Variants in FAR2 observed in about 807,000 individuals in gnomAD.
FAR2 encodes epididymis secretory protein Li 81.
Under a neutral mutation model 56.0 loss-of-function variants are expected in FAR2, and 19 were observed. The observed-to-expected ratio is 0.34, with a 90% CI of 0.24 to 0.50. The LOEUF is 0.50. Ranked by LOEUF, FAR2 falls within the 20% of genes least tolerant of loss-of-function variation. The probability of loss-of-function intolerance (pLI) is 0.98; values close to 1 mark genes in which losing one functional copy is unlikely to be tolerated. For synonymous variants in FAR2, 219 were observed against 218.8 expected, an observed-to-expected ratio of 1.00 and a Z score of -0.01; for missense variants, 508 against 642.2, an observed-to-expected ratio of 0.79 and a Z score of 2.26.
intron 10 of FAR2, among the ~76,000 whole-genome samples, chr12:29,331,235 G>T (rs1949728105): frequency 1.3e-5 from 2 of 150,448 alleles, no homozygotes; most frequent in South Asian, 4.2e-4. Context: ...AATGTCCAGG[G>T]ATGAATAGAC....
intron 3 of FAR2, among the ~76,000 whole-genome samples, 178 bp from the exon 4 acceptor site, chr12:29,296,843 A>C (rs1052921424): frequency 6.6e-6 from 1 of 152,250 alleles, no homozygotes; most frequent in African/African-American, 2.4e-5. Flanking sequence ...CATCATCACT[A>C]CATAAAACAT....
chr12:29,163,638 A>G (rs1300854129), intron 1 of FAR2, among the ~76,000 whole-genome samples: 2 of 152,262 alleles, frequency 1.3e-5, no homozygotes, highest in Non-Finnish European at 2.9e-5. Context: ...GTAGAGAAAT[A>G]AAGAAATCAA....
intron 1 of FAR2, among the ~76,000 whole-genome samples, chr12:29,270,000 G>C (rs1311486145): frequency 6.6e-6 from 1 of 152,166 alleles, no homozygotes; most frequent in East Asian, 1.9e-4. Flanking sequence ...CATGACCCCA[G>C]CCCTTCTCTG....
intron 2 of FAR2, among the ~76,000 whole-genome samples, chr12:29,278,101 T>G (rs1948731027): frequency 6.6e-6 from 1 of 151,802 alleles, no homozygotes; most frequent in Non-Finnish European, 1.5e-5. Flanking sequence ...CTGGCTAATT[T>G]TCAAATTTTT....
At chr12:29,274,744 G>T (rs4277150) in intron 2 of FAR2, among the ~76,000 whole-genome samples, 1 of 150,280 alleles carries the variant, frequency 6.7e-6, no homozygotes, top group Admixed American at 6.6e-5. Context: ...CAAAATCTCC[G>T]CCACTGAGTA....
chr12:29,278,190 C>CAA, intron 2 of FAR2, among the ~76,000 whole-genome samples: 1 of 152,046 alleles, frequency 6.6e-6, no homozygotes, highest in East Asian at 1.9e-4. Context: ...CTCAGTCTCC[C>CAA]AAAGTGCTAG....
chr12:29,324,399 G>A (rs1315170514), intron 10 of FAR2, among the ~76,000 whole-genome samples: 1 of 152,104 alleles, frequency 6.6e-6, no homozygotes, highest in East Asian at 1.9e-4. Flanking sequence ...TACAGAGAAT[G>A]CCACAAAGAT....
intron 1 of FAR2, among the ~76,000 whole-genome samples, chr12:29,247,317 C>T (rs1948144247): frequency 6.6e-6 from 1 of 152,180 alleles, no homozygotes; most frequent in Non-Finnish European, 1.5e-5. Flanking sequence ...CTGACAGATA[C>T]AGTTAATAAA....
chr12:29,194,966 A>G (rs1023872595), intron 1 of FAR2, among the ~76,000 whole-genome samples: 5 of 152,182 alleles, frequency 3.3e-5, no homozygotes, highest in African/African-American at 9.6e-5. Flanking sequence ...GAAATGGTCC[A>G]TACTATGAAT....
rs1007247409 is a variant in FAR2 at position 29,176,030 on chromosome 12, A to C, written c.-39+26623A>C. Reference sequence around the variant, plus strand: ...GTGACCTCAGTTTATGAAATTTAAAAGGTTGGAAATTTTAAATTTGCACTT... The same window carrying C: ...GTGACCTCAGTTTATGAAATTTAAACGGTTGGAAATTTTAAATTTGCACTT... On this transcript the variant is annotated intron_variant, in intron 1 of 11. Transcript: ENST00000536681. Among the ~76,000 whole-genome samples the C allele has an allele frequency of 2.0e-5, 3 of 152,228 alleles. No individual in the cohort carries two copies. The East Asian group carries it at 5.8e-4, about 29-fold the overall frequency.
At chr12:29,234,805 C>T (rs1947912817) in intron 1 of FAR2, among the ~76,000 whole-genome samples, 1 of 152,172 alleles carries the variant, frequency 6.6e-6, no homozygotes, top group African/African-American at 2.4e-5. Context: ...ATACTCTCTC[C>T]TCAGAAAACC....
intron 4 of FAR2, among the ~76,000 whole-genome samples, chr12:29,300,809 C>T (rs937746998): frequency 1.2e-4 from 18 of 152,086 alleles, no homozygotes; most frequent in Admixed American, 7.9e-4. Context: ...ATCACCATGA[C>T]GACGTAAAAT....
intron 1 of FAR2, among the ~76,000 whole-genome samples, chr12:29,257,069 G>A (rs757412598): frequency 5.6e-4 from 86 of 152,370 alleles, no homozygotes; most frequent in Non-Finnish European, 1.0e-3. Context: ...TCTGTAGACC[G>A]AGTGCGGGAT....
chr12:29,169,126 C>T (rs1949861201), intron 1 of FAR2, among the ~76,000 whole-genome samples: 1 of 152,196 alleles, frequency 6.6e-6, no homozygotes. Context: ...TTCTCCAAGT[C>T]CCCACTCGAC....
intron 9 of FAR2, 78 bp from the exon 10 acceptor site, chr12:29,321,717 A>G: frequency 6.7e-7 from 1 of 1,485,610 alleles, no homozygotes; most frequent in South Asian, 1.4e-5. Flanking sequence ...TTTTCTTAAA[A>G]ATAATTTCTC....
At chr12:29,170,281 A>G (rs1949872619) in intron 1 of FAR2, among the ~76,000 whole-genome samples, 1 of 152,216 alleles carries the variant, frequency 6.6e-6, no homozygotes, top group Non-Finnish European at 1.5e-5. Context: ...CCTGTCCTGA[A>G]GGGAGTTCCT....
At chr12:29,183,391 C>T (rs1950010470) in intron 1 of FAR2, among the ~76,000 whole-genome samples, 1 of 152,202 alleles carries the variant, frequency 6.6e-6, no homozygotes, top group Non-Finnish European at 1.5e-5. Flanking sequence ...AACAACTCCT[C>T]TCTATTCCTA....
chr12:29,227,166 T>C (rs948284476), intron 1 of FAR2, among the ~76,000 whole-genome samples: 5 of 152,192 alleles, frequency 3.3e-5, no homozygotes, highest in African/African-American at 1.2e-4. Context: ...GTGCCTATAA[T>C]TGTTATATTT....
At chr12:29,200,994 C>T (rs1224114681) in intron 1 of FAR2, among the ~76,000 whole-genome samples, 1 of 152,128 alleles carries the variant, frequency 6.6e-6, no homozygotes, top group Non-Finnish European at 1.5e-5. Context: ...TTTATTCATC[C>T]GTCACCAGGT....
Sources: gnomAD v4.1 joint callset for allele counts (sites outside exome capture counted in the v4.1 genomes callset) on GRCh38, gnomAD v4.1.1 for gene constraint, MANE v1.5 for transcripts, NCBI Gene and HGNC (gene_info 2026-07-23, HGNC 2026-07-21) for gene names.